Variants in STXBP5 observed in about 807,000 individuals in gnomAD.
STXBP5 encodes the protein syntaxin binding protein 5, also known as syntaxin-binding protein 5.
STXBP5 carries 50 observed loss-of-function variants against 152.4 expected under a neutral mutation model. The observed-to-expected ratio is 0.33, with a 90% CI of 0.26 to 0.42. The LOEUF is 0.42. Ranked by LOEUF, STXBP5 falls within the 10% of genes least tolerant of loss-of-function variation. STXBP5 has a pLI of 1.00. For missense variants in STXBP5, 1,167 were observed against 1,388.6 expected (o/e 0.84, Z 2.54); for synonymous variants, 492 against 494.7 (o/e 0.99, Z 0.07).
Position 147,350,693 on chromosome 6 carries a change from T to A in STXBP5, c.2255-2630T>A, listed in dbSNP as rs187805464. ...GAATTAGAATGAAGGAACATTAGGT[T>A]ATTCGCAAGTATAGTAGTAGCTCAT... On this transcript the variant is annotated intron_variant, in intron 21 of 27. Transcript: ENST00000321680. Among the ~76,000 whole-genome samples, 110 of 152,306 alleles carry A rather than the reference T, an allele frequency of 7.2e-4. 2 individuals carry two copies. Among genetic ancestry groups the A allele is most frequent in the African/African-American group, 2.6e-3 (108 of 41,572 alleles).
intron 9 of STXBP5, chr6:147,293,167 C>T (rs1255899459): frequency 5.9e-5 from 9 of 152,150 alleles, no homozygotes; most frequent in South Asian, 2.1e-4. Context: ...AGTATATCAT[C>T]GAGATTTGTG....
chr6:147,290,442 T>C (rs951878147), intron 8 of STXBP5, among the ~76,000 whole-genome samples: 1 of 152,186 alleles, frequency 6.6e-6, no homozygotes, highest in Non-Finnish European at 1.5e-5. Flanking sequence ...TGGACAGTGG[T>C]TAATCTCTGA....
chr6:147,347,851 T>C (rs961822100), intron 21 of STXBP5, among the ~76,000 whole-genome samples: 4 of 152,186 alleles, frequency 2.6e-5, no homozygotes, highest in Admixed American at 6.5e-5. Context: ...GCATATAGTA[T>C]CACAAGTGTC....
At chr6:147,343,514 G>C (rs1004651017) in intron 21 of STXBP5, among the ~76,000 whole-genome samples, 1 of 152,114 alleles carries the variant, frequency 6.6e-6, no homozygotes, top group South Asian at 2.1e-4. Context: ...GAGAAGTTAA[G>C]TGACACATCC....
At chr6:147,370,802 G>C (rs925642232) in intron 25 of STXBP5, among the ~76,000 whole-genome samples, 2 of 151,990 alleles carry the variant, frequency 1.3e-5, no homozygotes, top group Non-Finnish European at 2.9e-5. Flanking sequence ...TCAGTATGAA[G>C]TTTATTGCTG....
At chr6:147,380,173 TACACACACACACACACACAC>T (rs58343558) in intron 26 of STXBP5, among the ~76,000 whole-genome samples, 1 of 143,052 alleles carries the variant, frequency 7.0e-6, no homozygotes, top group Non-Finnish European at 1.5e-5. Flanking sequence ...AATAGCCACG[TACACACACACACACACACAC>T]ACACACACAC....
At chr6:147,224,051 T>C (rs1367395572) in intron 2 of STXBP5, among the ~76,000 whole-genome samples, 1 of 152,246 alleles carries the variant, frequency 6.6e-6, no homozygotes, top group East Asian at 1.9e-4. Context: ...TTTTCCTTCC[T>C]AGCAGTTTAT....
At chr6:147,273,932 A>G (rs1780313137) in intron 7 of STXBP5, among the ~76,000 whole-genome samples, 1 of 151,640 alleles carries the variant, frequency 6.6e-6, no homozygotes, top group Non-Finnish European at 1.5e-5. Flanking sequence ...AGCCTGGGCG[A>G]CAGAGCGAGA....
At position 147,315,522 on chromosome 6, in the gene STXBP5, A is replaced by G. The variant is rs1019541654; in HGVS notation, c.1410A>G (p.Leu470=). Residue 470 remains leucine, a synonymous_variant, in exon 15 of 28, where the codon CTA becomes CTG. Transcript: ENST00000321680. Reference sequence around the variant, plus strand: ...ATATTATCTTTTTTCCAGTAACTCTACAAGTATTATATAAGCTAAAGACAT... The same window carrying G: ...ATATTATCTTTTTTCCAGTAACTCTGCAAGTATTATATAAGCTAAAGACAT... ...VKFWDASAIT[L]QVLYKLKTSK... The G allele has an allele frequency of 2.5e-6, 4 of 1,600,354 alleles. No individual in the cohort carries two copies. The highest frequency in any genetic ancestry group is 1.3e-5 in the African/African-American group (1 of 74,434).
In STXBP5 at chr6:147,273,355, C is replaced by A. The variant is rs1198247815; in HGVS notation, c.715-4726C>A. Among the ~76,000 whole-genome samples, 4 of 152,022 alleles carry A rather than the reference C, an allele frequency of 2.6e-5. No individual in the cohort carries two copies. The East Asian group carries it at 7.7e-4, about 29-fold the overall frequency. The stretch of plus-strand genomic sequence containing the variant: ...TTCCAGCCCTGGTGACAGAGCAAGA[C>A]CCTGTTTCTAAAAATAAAGTATCAA... On this transcript the variant is annotated intron_variant, in intron 7 of 27. Transcript: ENST00000321680.
chr6:147,204,597 A>G lies in STXBP5; in HGVS notation c.65A>G (p.Gln22Arg). The change falls in exon 1 of 28, where the codon CAG (glutamine) becomes CGG (arginine). Residue 22 changes from glutamine to arginine, a missense_variant. Physicochemically the swap from Gln to Arg is conservative, Grantham distance 43 (BLOSUM62 1). Transcript: ENST00000321680. This position sits in a 1 kb window ranked among gnomAD's most constrained non-coding sequence, Gnocchi z 4.3. ...ACCGCCGGCTCGTCCTCGGCGTCGC[A>G]GCAGCAACAGCAGCAGCATCCGCCT... ...GLTAGSSSAS[Q>R]QQQQQHPPGN... The G allele has an allele frequency of 6.2e-7, 1 of 1,610,204 alleles. No homozygotes were observed. The highest frequency in any genetic ancestry group is 8.5e-7 in the Non-Finnish European group (1 of 1,178,416).
chr6:147,281,446 G>T (rs185843864), intron 8 of STXBP5, among the ~76,000 whole-genome samples: 1 of 152,280 alleles, frequency 6.6e-6, no homozygotes, highest in African/African-American at 2.4e-5. Flanking sequence ...GATCACATTT[G>T]TGGTACATCA....
chr6:147,382,892 G>T lies in STXBP5; in HGVS notation c.3308G>T (p.Arg1103Leu). Residue 1103 changes from arginine (R) to leucine (L), a missense_variant, in exon 27 of 28, where the codon CGA becomes CTA. By Grantham distance (102) the Arg-to-Leu change is moderately radical. This residue lies in a region of STXBP5 where 833 missense variants were observed against 986.3 expected (regional missense o/e 0.84). Coordinates refer to ENST00000321680, the MANE Select transcript of STXBP5 (RefSeq NM_001127715.4). Reference sequence around the variant, plus strand: ...TCTGGAGTTGTTGGTGAATTAGCACGAGCCAGGCTGGCACTAGATGAAAGA... The same window carrying T: ...TCTGGAGTTGTTGGTGAATTAGCACTAGCCAGGCTGGCACTAGATGAAAGA... Reference protein sequence around the residue: ...AASGVVGELARARLALDERGQ... With the variant: ...AASGVVGELALARLALDERGQ... 1 of 1,613,432 alleles carries T rather than the reference G, an allele frequency of 6.2e-7. No homozygotes were observed. Among genetic ancestry groups the T allele is most frequent in the Non-Finnish European group, 8.5e-7 (1 of 1,179,682 alleles).
At chr6:147,267,288 A>G in intron 7 of STXBP5, 121 bp downstream of exon 7, 1 of 689,832 alleles carries the variant, frequency 1.4e-6, no homozygotes, top group Non-Finnish European at 2.4e-6. Flanking sequence ...TACACAATTT[A>G]TTTTTTACAA....
At chr6:147,271,017 T>G (rs182079952) in intron 7 of STXBP5, among the ~76,000 whole-genome samples, 184 of 152,080 alleles carry the variant, frequency 1.2e-3, no homozygotes, top group Non-Finnish European at 1.9e-3. Flanking sequence ...GGAAATAAAT[T>G]GAGATTTTAA....
At chr6:147,303,132 G>A (rs893332644) in intron 9 of STXBP5, among the ~76,000 whole-genome samples, 9 of 152,064 alleles carry the variant, frequency 5.9e-5, no homozygotes, top group Admixed American at 6.6e-5. Context: ...GATCAGTATA[G>A]GATGATTTTT....
chr6:147,238,570 G>T (rs542459381), intron 3 of STXBP5, among the ~76,000 whole-genome samples: 10 of 152,156 alleles, frequency 6.6e-5, no homozygotes, highest in Non-Finnish European at 1.5e-4. Flanking sequence ...CCACTTAAAT[G>T]ATTCTCAAAT....
intron 22 of STXBP5, among the ~76,000 whole-genome samples, chr6:147,356,837 T>G (rs1784836744): frequency 6.6e-6 from 1 of 152,196 alleles, no homozygotes; most frequent in African/African-American, 2.4e-5. Context: ...TTTCACATTT[T>G]GAAGAGTCCT....
chr6:147,217,131 A>G (rs562808975), intron 2 of STXBP5, among the ~76,000 whole-genome samples: 99 of 152,340 alleles, frequency 6.5e-4, no homozygotes, highest in African/African-American at 2.3e-3. Context: ...AAAGGTGACT[A>G]TAAATCTGGC....
Sources: gnomAD v4.1 joint callset for allele counts (sites outside exome capture counted in the v4.1 genomes callset) on GRCh38, gnomAD v4.1.1 for gene constraint, gnomAD v4.1.1 regional missense constraint, Gnocchi (gnomAD v3.1) non-coding constraint, MANE v1.5 for transcripts, NCBI Gene and HGNC (gene_info 2026-07-23, HGNC 2026-07-21) for gene names.